The following CLMN variants were observed in gnomAD, a reference collection of about 807,000 sequenced individuals.
CLMN encodes the protein calmin (calponin-like, transmembrane).
CLMN carries 57 observed loss-of-function variants against 92.7 expected under a neutral mutation model. The observed-to-expected ratio is 0.61, with a 90% CI of 0.50 to 0.77. The LOEUF (loss-of-function observed/expected upper bound fraction) is 0.77. Ranked by LOEUF, CLMN falls within the 30% of genes least tolerant of loss-of-function variation. CLMN has a pLI of 0.00. For missense variants in CLMN, 1,158 were observed against 1,237.5 expected, an observed-to-expected ratio of 0.94 and a Z score of 0.96; for synonymous variants, 466 against 470.6, an observed-to-expected ratio of 0.99 and a Z score of 0.13.
chr14:95,204,412 G>T lies in CLMN; in HGVS notation c.937C>A (p.Arg313Ser). ...KEVPIESTFV[R>S]IKETPSEQES... ...TGTTCAGAAGGAGTTTCTTTGATGC[G>T]AACAAAAGTGGATTCGATAGGAACT... The change falls in exon 9 of 13, where the codon CGC becomes AGC. Residue 313 changes from arginine (R) to serine (S), a missense_variant. Coordinates refer to ENST00000298912, the MANE Select transcript of CLMN (RefSeq NM_024734.4). 2 of 1,606,856 alleles carry T rather than the reference G, an allele frequency of 1.2e-6. No homozygotes were observed. Among genetic ancestry groups the T allele is most frequent in the Non-Finnish European group, 1.7e-6 (2 of 1,177,424 alleles).
At position 95,191,467 on chromosome 14, in the gene CLMN, A is replaced by G. The variant is rs1286310599; in HGVS notation, c.*97T>C. Reference sequence around the variant, plus strand: ...GTCTAAGTTTCCTCGGAGGTCCTCAACTGTCTGTAGAAGTGCCCCACCCAG... The same window carrying G: ...GTCTAAGTTTCCTCGGAGGTCCTCAGCTGTCTGTAGAAGTGCCCCACCCAG... On this transcript the variant is annotated 3_prime_UTR_variant, in exon 13 of 13. Coordinates refer to ENST00000298912, the MANE Select transcript of CLMN (RefSeq NM_024734.4). The surrounding 1 kb of genome is among the most constrained non-coding windows in gnomAD (Gnocchi z 5.3). 6.2e-6 allele frequency: 6 copies of G among 962,744 alleles called. No individual in the cohort carries two copies. Among genetic ancestry groups the G allele is most frequent in the Non-Finnish European group, 7.3e-6 (5 of 688,358 alleles). The allele number at this position is 962,744 out of a possible 1,614,324, so 59.6% of individuals were successfully genotyped here.
At chr14:95,227,544 C>T (rs997362962) in intron 2 of CLMN, among the ~76,000 whole-genome samples, 2 of 152,198 alleles carry the variant, frequency 1.3e-5, no homozygotes, top group Non-Finnish European at 2.9e-5. Context: ...TTACCAGCCC[C>T]GGCCGTGGCC....
At position 95,286,917 on chromosome 14, in the gene CLMN, G is replaced by A. The variant is rs542964668; in HGVS notation, c.82+32794C>T. Among the ~76,000 whole-genome samples the A allele has an allele frequency of 1.2e-4, 18 of 152,318 alleles. No homozygotes were observed. In the South Asian group the frequency reaches 3.5e-3, roughly 30 times the overall value. On this transcript the variant is annotated intron_variant, in intron 1 of 12. Transcript: ENST00000298912. The stretch of plus-strand genomic sequence containing the variant: ...AAGTTTGCATGCAACTTTGCAGACA[G>A]GCAGACCCAGGCTGTGAAAGGTGGC...
rs186775450 is a variant in CLMN, at chr14:95,298,077, T to A, written c.82+21634A>T. Reference sequence around the variant, plus strand: ...CTCCAGGGCCTTGCCCGCACTGGGATGGGCCTGCTCTAAAGTCACAGAATT... The same window carrying A: ...CTCCAGGGCCTTGCCCGCACTGGGAAGGGCCTGCTCTAAAGTCACAGAATT... On this transcript the variant is annotated intron_variant, in intron 1 of 12. Coordinates refer to ENST00000298912, the MANE Select transcript of CLMN (RefSeq NM_024734.4). 1.6e-4 allele frequency among the ~76,000 whole-genome samples: 25 copies of A among 152,182 alleles called. 1 individual carries two copies. The East Asian group carries it at 3.7e-3, about 22-fold the overall frequency.
At chr14:95,316,265 C>T (rs1171477621) in intron 1 of CLMN, among the ~76,000 whole-genome samples, 1 of 152,256 alleles carries the variant, frequency 6.6e-6, no homozygotes, top group Non-Finnish European at 1.5e-5. Context: ...GCAATTCCAT[C>T]TTCTCTTCTC....
chr14:95,245,237 ATT>A (rs1566891209), intron 1 of CLMN, among the ~76,000 whole-genome samples: 2 of 31,260 alleles, frequency 6.4e-5, no homozygotes, highest in East Asian at 1.1e-3. Context: ...ATATATATAT[ATT>A]ATATATATAT....
chr14:95,254,960 C>T (rs1231376974), intron 1 of CLMN, among the ~76,000 whole-genome samples: 1 of 152,200 alleles, frequency 6.6e-6, no homozygotes, highest in Non-Finnish European at 1.5e-5. Flanking sequence ...GGGATTGAGC[C>T]ACCCCACCTG....
intron 1 of CLMN, among the ~76,000 whole-genome samples, chr14:95,250,206 T>C (rs1270512116): frequency 6.6e-6 from 1 of 152,240 alleles, no homozygotes; most frequent in Non-Finnish European, 1.5e-5. Flanking sequence ...GAAATCCTCT[T>C]TGATGAAGCC....
rs1163388220 is a variant in CLMN, at chr14:95,186,994, G to A, written c.*4570C>T. On this transcript the variant is annotated 3_prime_UTR_variant, in exon 13 of 13. Coordinates refer to ENST00000298912, the MANE Select transcript of CLMN (RefSeq NM_024734.4). ...TGACAATAGGCAGCAAAACCAGGGGGAAGGAAGGAAGGTAATAACTAATCA... is the reference window on the plus strand; with the variant it reads ...TGACAATAGGCAGCAAAACCAGGGGAAAGGAAGGAAGGTAATAACTAATCA... 6.6e-6 allele frequency: 1 copy of A among 152,240 alleles called. No individual in the cohort carries two copies. Among genetic ancestry groups the A allele is most frequent in the African/African-American group, 2.4e-5 (1 of 41,446 alleles). The allele number at this position is 152,240 out of a possible 1,614,324, so 9.4% of individuals were successfully genotyped here.
At chr14:95,218,744 C>T (rs1156782202) in intron 4 of CLMN, among the ~76,000 whole-genome samples, 2 of 152,340 alleles carry the variant, frequency 1.3e-5, no homozygotes, top group South Asian at 2.1e-4. Flanking sequence ...GTAAATGGGG[C>T]CCAGTGGGGC....
At chr14:95,211,007 C>T (rs1374133757) in intron 6 of CLMN, 128 bp from the exon 7 acceptor site, 15 of 855,954 alleles carry the variant, frequency 1.8e-5, no homozygotes, top group Admixed American at 3.5e-5. Context: ...CAGGTGAAGA[C>T]GCCTTCATCC....
chr14:95,201,378 G>A (rs572869651), intron 9 of CLMN, among the ~76,000 whole-genome samples: 13 of 151,392 alleles, frequency 8.6e-5, no homozygotes, highest in Non-Finnish European at 1.5e-4. Flanking sequence ...CCCTCTCAAA[G>A]GCCTTCCATC....
At chr14:95,266,498 A>G (rs549753306) in intron 1 of CLMN, among the ~76,000 whole-genome samples, 7 of 152,338 alleles carry the variant, frequency 4.6e-5, no homozygotes, top group Admixed American at 4.6e-4. Flanking sequence ...TGCCAAGTGA[A>G]AGATGGCTAC....
At chr14:95,222,921 A>C (rs563607371) in intron 3 of CLMN, among the ~76,000 whole-genome samples, 2 of 152,268 alleles carry the variant, frequency 1.3e-5, no homozygotes, top group African/African-American at 4.8e-5. Flanking sequence ...GTGCTGGCTG[A>C]GCTATGGTTT....
Position 95,208,425 on chromosome 14 carries a change from C to T in CLMN, c.885+970G>A, listed in dbSNP as rs58656724. Among the ~76,000 whole-genome samples, 1,486 of 152,300 alleles carry T rather than the reference C, an allele frequency of 9.8e-3. 26 individuals carry two copies. The highest frequency in any genetic ancestry group is 0.034 in the African/African-American group (1,425 of 41,560). On this transcript the variant is annotated intron_variant, in intron 8 of 12. Coordinates refer to ENST00000298912, the MANE Select transcript of CLMN (RefSeq NM_024734.4). ...GTCTGATTCTGTGCCCAAAAAAACT[C>T]TCACCAAGTATAATCTGGAATTCTG... is the stretch of plus-strand genomic sequence containing the variant.
chr14:95,248,518 G>A (rs10144236), intron 1 of CLMN, among the ~76,000 whole-genome samples: 21,870 of 152,044 alleles, frequency 0.14, 2,578 homozygotes, highest in African/African-American at 0.31. Context: ...CGTTGACCTC[G>A]TCCCTGACCA....
chr14:95,243,219 C>A (rs1194255649), intron 1 of CLMN, among the ~76,000 whole-genome samples: 2 of 152,154 alleles, frequency 1.3e-5, no homozygotes, highest in African/African-American at 4.8e-5. Flanking sequence ...CATGGCCCAA[C>A]TTTTAAGATT....
Position 95,210,177 on chromosome 14 carries a change from C to T in CLMN, c.802+509G>A, listed in dbSNP as rs916504503. ...AAGTGATTCTCCTGCCTCAGTCTCC[C>T]GAGTAGCTGGGATTACAGACTGCGC... On this transcript the variant is annotated intron_variant, in intron 7 of 12. Coordinates refer to ENST00000298912, the MANE Select transcript of CLMN (RefSeq NM_024734.4). 2.0e-5 allele frequency among the ~76,000 whole-genome samples: 3 copies of T among 152,130 alleles called. No individual in the cohort carries two copies. In the South Asian group the frequency reaches 6.2e-4, roughly 32 times the overall value.
chr14:95,201,959 T>C (rs1896897217), intron 9 of CLMN, among the ~76,000 whole-genome samples: 1 of 152,226 alleles, frequency 6.6e-6, no homozygotes, highest in Non-Finnish European at 1.5e-5. Context: ...TGTACCACAT[T>C]TTCTTTATCC....
Sources: gnomAD v4.1 joint callset for allele counts (sites outside exome capture counted in the v4.1 genomes callset) on GRCh38, gnomAD v4.1.1 for gene constraint, Gnocchi (gnomAD v3.1) non-coding constraint, MANE v1.5 for transcripts, NCBI Gene and HGNC (gene_info 2026-07-23, HGNC 2026-07-21) for gene names.